INPP5A: variants seen among roughly 807,000 people sequenced by gnomAD.
INPP5A encodes 43 kDa inositol polyphosphate 5-phophatase.
INPP5A carries 14 observed loss-of-function variants against 65.2 expected under a neutral mutation model. The observed-to-expected ratio is 0.21, with a 90% CI of 0.14 to 0.34. The LOEUF (loss-of-function observed/expected upper bound fraction) is 0.34, where lower values mean the gene tolerates loss of function less well. INPP5A is among the 10% of genes least tolerant of loss of function. INPP5A has a pLI of 1.00. For missense variants in INPP5A, 431 were observed against 545.6 expected, an observed-to-expected ratio of 0.79 and a Z score of 2.09; for synonymous variants, 207 against 208.3, an observed-to-expected ratio of 0.99 and a Z score of 0.05.
chr10:132,604,173 G>T (rs1408483708), intron 1 of INPP5A, among the ~76,000 whole-genome samples: 1 of 145,032 alleles, frequency 6.9e-6, no homozygotes, highest in East Asian at 2.1e-4. Context: ...GCCCTGCACC[G>T]TCAGGGTCCC....
chr10:132,624,635 G>A (rs548918988), intron 2 of INPP5A, among the ~76,000 whole-genome samples: 2 of 152,346 alleles, frequency 1.3e-5, no homozygotes, highest in African/African-American at 4.8e-5. Context: ...TGCCTGGCAT[G>A]TAGGCCGTGG....
chr10:132,666,110 T>G (rs914373897), intron 4 of INPP5A, among the ~76,000 whole-genome samples: 5 of 152,072 alleles, frequency 3.3e-5, no homozygotes, highest in Non-Finnish European at 7.4e-5. Context: ...TTACCAGGTT[T>G]GCCTTAAAAC....
intron 11 of INPP5A, among the ~76,000 whole-genome samples, chr10:132,759,011 T>G (rs905363974): frequency 6.6e-6 from 1 of 152,248 alleles, no homozygotes. Context: ...AACAGTGATA[T>G]TGAACTCTGT....
chr10:132,697,923 C>T lies in INPP5A; in HGVS notation c.474+4C>T, dbSNP rs759890080. ...TCCGCAGGACTACTTCCCCGAGGTA[C>T]GTAGCGAGGCTTTCTCACTGACGTG... On this transcript the variant is annotated splice_donor_region_variant and intron_variant, in intron 6 of 15. Coordinates refer to ENST00000368594, the MANE Select transcript of INPP5A (RefSeq NM_005539.5). This position sits in a 1 kb window ranked among gnomAD's most constrained non-coding sequence, Gnocchi z 5.6. 1.2e-5 allele frequency: 19 copies of T among 1,584,882 alleles called. No homozygotes were observed. Among genetic ancestry groups the T allele is most frequent in the East Asian group, 4.5e-5 (2 of 44,746 alleles).
chr10:132,607,793 G>C (rs1032548646), intron 1 of INPP5A, 122 bp from the exon 2 acceptor site: 2 of 958,418 alleles, frequency 2.1e-6, no homozygotes, highest in South Asian at 2.8e-5. Flanking sequence ...TCCTCCATGC[G>C]GGGTGGGCCC....
chr10:132,672,260 C>T (rs2072900894), intron 4 of INPP5A, among the ~76,000 whole-genome samples: 1 of 152,102 alleles, frequency 6.6e-6, no homozygotes, highest in Non-Finnish European at 1.5e-5. Flanking sequence ...GTATTGTCAA[C>T]TTTATGAAAT....
chr10:132,635,983 CAAAAAAAAA>C (rs202003054), intron 2 of INPP5A, among the ~76,000 whole-genome samples: 1 of 49,242 alleles, frequency 2.0e-5, no homozygotes, highest in African/African-American at 6.1e-5. Context: ...ATCTCAAAGA[CAAAAAAAAA>C]AAAAAAAAAG....
chr10:132,724,125 C>T (rs997394461), intron 8 of INPP5A, among the ~76,000 whole-genome samples: 11 of 142,260 alleles, frequency 7.7e-5, no homozygotes, highest in Non-Finnish European at 1.5e-5. Flanking sequence ...AGAAGGACTT[C>T]CCTATAAAAA....
chr10:132,697,894 A>C lies in INPP5A; in HGVS notation c.449A>C (p.Lys150Thr). The change falls in exon 6 of 16, where the codon AAG becomes ACG. Residue 150 changes from lysine to threonine, a missense_variant. Transcript: ENST00000368594. The surrounding 1 kb of genome is among the most constrained non-coding windows in gnomAD (Gnocchi z 5.6). The part of the protein sequence containing the change: ...LESTPMLEKE[K>T]FPQDYFPECK... ...AGCACGCCCATGCTGGAGAAGGAGA[A>C]GTTTCCGCAGGACTACTTCCCCGAG... 1 of 1,613,130 alleles carries C rather than the reference A, an allele frequency of 6.2e-7. No homozygotes were observed. The highest frequency in any genetic ancestry group is 8.5e-7 in the Non-Finnish European group (1 of 1,179,196).
intron 1 of INPP5A, among the ~76,000 whole-genome samples, chr10:132,573,735 C>T (rs112458977): frequency 2.6e-4 from 15 of 56,918 alleles, no homozygotes; most frequent in East Asian, 1.2e-3. Context: ...TTGGGGTGTG[C>T]GTGCCGTGTG....
At chr10:132,765,072 G>A (rs1369157742) in intron 11 of INPP5A, among the ~76,000 whole-genome samples, 2 of 149,728 alleles carry the variant, frequency 1.3e-5, no homozygotes, top group Admixed American at 6.6e-5. Context: ...AAACACGACC[G>A]GGTCAGTCCT....
At chr10:132,635,386 ATTTTTTTTTTTTTTT>A (rs775271931) in intron 2 of INPP5A, among the ~76,000 whole-genome samples, 1 of 54,500 alleles carries the variant, frequency 1.8e-5, no homozygotes, top group Non-Finnish European at 3.0e-5. Context: ...CTTTTTAAAG[ATTTTTTTTTTTTTTT>A]TTTTTTTTTT....
At chr10:132,684,397 A>G (rs753992145) in intron 4 of INPP5A, among the ~76,000 whole-genome samples, 4 of 152,178 alleles carry the variant, frequency 2.6e-5, no homozygotes, top group Non-Finnish European at 4.4e-5. Flanking sequence ...AGGTGTATGC[A>G]TGTATGTGTG....
Position 132,705,489 on chromosome 10 carries a change from C to A in INPP5A, c.475-2824C>A, listed in dbSNP as rs1308670306. On this transcript the variant is annotated intron_variant, in intron 6 of 15. Transcript: ENST00000368594. This position sits in a 1 kb window ranked among gnomAD's most constrained non-coding sequence, Gnocchi z 4.9. ...AGGGGATGTGGGCTCAGTACCAGAG[C>A]CAGCTCGTGGTGTGAGGACGGATCC... is the stretch of plus-strand genomic sequence containing the variant. Among the ~76,000 whole-genome samples, 3 of 152,248 alleles carry A rather than the reference C, an allele frequency of 2.0e-5. No homozygotes were observed. Among genetic ancestry groups the A allele is most frequent in the Non-Finnish European group, 4.4e-5 (3 of 68,044 alleles).
At chr10:132,543,887 T>TG (rs2070936552) in intron 1 of INPP5A, among the ~76,000 whole-genome samples, 1 of 152,274 alleles carries the variant, frequency 6.6e-6, no homozygotes, top group Non-Finnish European at 1.5e-5. Flanking sequence ...AGTGGATGTT[T>TG]GGGCTGTTCC....
intron 14 of INPP5A, 127 bp downstream of exon 14, chr10:132,781,044 T>C (rs1847152911): frequency 4.3e-6 from 3 of 694,178 alleles, no homozygotes; most frequent in Admixed American, 4.1e-5. Context: ...TTGGCCAGTC[T>C]CTCCTCTCCT....
At chr10:132,709,300 A>T (rs1285814500) in intron 7 of INPP5A, among the ~76,000 whole-genome samples, 6 of 47,178 alleles carry the variant, frequency 1.3e-4, no homozygotes, top group Non-Finnish European at 2.3e-4. Flanking sequence ...GGAGGAGGGG[A>T]TGGGGGAAGG....
At chr10:132,729,052 C>CTT (rs1293364536) in intron 9 of INPP5A, among the ~76,000 whole-genome samples, 1 of 151,616 alleles carries the variant, frequency 6.6e-6, no homozygotes, top group Admixed American at 6.6e-5. Context: ...GCCTGTGGGG[C>CTT]TTGCGTGGCC....
Position 132,654,288 on chromosome 10 carries a change from G to A in INPP5A, c.306+3783G>A, listed in dbSNP as rs918135058. On this transcript the variant is annotated intron_variant, in intron 4 of 15. Transcript: ENST00000368594. ...CGGACCTGATCTCTCCCACAGCCAC[G>A]GCCCTGAGTGAGGCTTTAGGCCAGG... Among the ~76,000 whole-genome samples the A allele has an allele frequency of 7.9e-5, 12 of 152,360 alleles. No individual in the cohort carries two copies. In the South Asian group the frequency reaches 1.2e-3, roughly 16 times the overall value.
Sources: gnomAD v4.1 joint callset for allele counts (sites outside exome capture counted in the v4.1 genomes callset) on GRCh38, gnomAD v4.1.1 for gene constraint, Gnocchi (gnomAD v3.1) non-coding constraint, MANE v1.5 for transcripts, NCBI Gene and HGNC (gene_info 2026-07-23, HGNC 2026-07-21) for gene names.